SCN9A: variants seen among roughly 807,000 people sequenced by gnomAD.
SCN9A encodes the protein sodium channel protein type 9 subunit alpha.
Under a neutral mutation model 187.0 loss-of-function variants are expected in SCN9A, and 131 were observed. That is an observed-to-expected ratio of 0.70 (90% CI 0.61 to 0.81). The LOEUF (loss-of-function observed/expected upper bound fraction) is 0.81. Among genes scored for constraint, SCN9A ranks in the 30% least tolerant of loss-of-function variants. The probability of loss-of-function intolerance (pLI) is 0.00; values close to 1 mark genes in which losing one functional copy is unlikely to be tolerated. For synonymous variants in SCN9A, 809 were observed against 808.6 expected, an observed-to-expected ratio of 1.00 and a Z score of -0.01; for missense variants, 2,252 against 2,396.6, an observed-to-expected ratio of 0.94 and a Z score of 1.26.
intron 17 of SCN9A, among the ~76,000 whole-genome samples, chr2:166,260,566 C>A (rs1022785391): frequency 1.3e-5 from 2 of 151,826 alleles, no homozygotes; most frequent in African/African-American, 2.4e-5. Context: ...ACCTAAGGTG[C>A]AAGCTATTAG....
intron 1 of SCN9A, among the ~76,000 whole-genome samples, chr2:166,355,502 A>T (rs1056738152): frequency 3.3e-5 from 5 of 151,842 alleles, no homozygotes; most frequent in African/African-American, 1.2e-4. Context: ...TTGTTTGCCA[A>T]GGGATTGTGT....
In SCN9A at chr2:166,222,933, AAAAAAAAACAAC is replaced by A. The variant is rs1341636677; in HGVS notation, c.4398+3622_4398+3633del. 2.1e-3 allele frequency among the ~76,000 whole-genome samples: 212 copies of A among 102,704 alleles called. 9 individuals carry two copies. Among genetic ancestry groups the A allele is most frequent in the African/African-American group, 7.6e-3 (182 of 23,938 alleles). The allele number at this position is 102,704 out of a possible 152,430, so 67.4% of individuals were successfully genotyped here. On this transcript the variant is annotated intron_variant, in intron 24 of 26. Coordinates refer to ENST00000642356, the MANE Select transcript of SCN9A (RefSeq NM_001365536.1). ...GCGACAGAGCGAAACTCCGTCTCAA[AAAAAAAAACAAC>A]AAAAAAAAAAAAAAAAAAAAAAAAA...
chr2:166,280,548 C>A lies in SCN9A; in HGVS notation c.2152G>T (p.Ala718Ser). The change falls in exon 14 of 27, where the codon GCA becomes TCA. Residue 718 changes from alanine to serine, a missense_variant. Transcript: ENST00000642356. ...CAATTCCAGATCAAGAATTTGTGTGCAAATCTGTACCACCAAGGTGGACAT... is the reference window on the plus strand; with the variant it reads ...CAATTCCAGATCAAGAATTTGTGTGAAAATCTGTACCACCAAGGTGGACAT... Reference protein sequence around the residue: ...QKCPPWWYRFAHKFLIWNCSP... With the variant: ...QKCPPWWYRFSHKFLIWNCSP... 3 of 1,590,974 alleles carry A rather than the reference C, an allele frequency of 1.9e-6. No individual in the cohort carries two copies. Among genetic ancestry groups the A allele is most frequent in the South Asian group, 1.1e-5 (1 of 87,782 alleles).
chr2:166,311,382 T>TATATATA (rs1559034538), intron 2 of SCN9A, 117 bp downstream of exon 2: 1 of 83,546 alleles, frequency 1.2e-5, no homozygotes, highest in Non-Finnish European at 2.2e-5. Flanking sequence ...ATATATTTAA[T>TATATATA]TTAACATTCT....
At chr2:166,331,459 G>A (rs1265351999) in intron 1 of SCN9A, among the ~76,000 whole-genome samples, 1 of 152,124 alleles carries the variant, frequency 6.6e-6, no homozygotes, top group Non-Finnish European at 1.5e-5. Flanking sequence ...TTATTCAGAA[G>A]CTAATCTTAT....
At chr2:166,334,527 G>A (rs1402404913) in intron 1 of SCN9A, among the ~76,000 whole-genome samples, 1 of 152,026 alleles carries the variant, frequency 6.6e-6, no homozygotes. Flanking sequence ...TAGGGTCTCT[G>A]CAACAATTTC....
intron 1 of SCN9A, among the ~76,000 whole-genome samples, chr2:166,355,384 T>G (rs1700127915): frequency 6.6e-6 from 1 of 152,164 alleles, no homozygotes; most frequent in Non-Finnish European, 1.5e-5. Context: ...ATTTGATATT[T>G]AAAACGTTTT....
At chr2:166,242,459 AT>A (rs772657924) in intron 19 of SCN9A, 42 bp downstream of exon 19, 1 of 1,439,448 alleles carries the variant, frequency 6.9e-7, no homozygotes, top group Non-Finnish European at 9.3e-7. Context: ...TTTAAAGAAT[AT>A]TGACTTAATC....
At chr2:166,364,483 A>G (rs1326309316) in intron 1 of SCN9A, among the ~76,000 whole-genome samples, 1 of 152,178 alleles carries the variant, frequency 6.6e-6, no homozygotes, top group Non-Finnish European at 1.5e-5. Context: ...GCACAATAAA[A>G]TACTACACAG....
intron 15 of SCN9A, 123 bp from the exon 16 acceptor site, chr2:166,277,462 G>T: frequency 1.3e-5 from 8 of 597,336 alleles, no homozygotes; most frequent in East Asian, 2.8e-5. Flanking sequence ...TTATTATCCA[G>T]CTAAAATATT....
rs1368485912 is a variant in SCN9A, at chr2:166,198,039, A to G, written c.*633T>C. 1 of 152,218 alleles carries G rather than the reference A, an allele frequency of 6.6e-6. No individual in the cohort carries two copies. The highest frequency in any genetic ancestry group is 1.5e-5 in the Non-Finnish European group (1 of 68,026). The allele number at this position is 152,218 out of a possible 1,614,324, so 9.4% of individuals were successfully genotyped here. A position where few individuals can be genotyped will look rare whatever the true frequency, so the allele number is the denominator to read the frequency against. On this transcript the variant is annotated 3_prime_UTR_variant, in exon 27 of 27. Coordinates refer to ENST00000642356, the MANE Select transcript of SCN9A (RefSeq NM_001365536.1). ...GTCAAGATGAATGAAAAACATTTGT[A>G]GAAATGAATAGCCTACATATATTTT...
chr2:166,367,856 C>A lies in SCN9A; in HGVS notation c.-51+7841G>T, dbSNP rs542208653. Reference sequence around the variant, plus strand: ...TCTATTTTGACTTAACACAATATACCCCTCAGGAATTGGTGTCCAAGAAGA... The same window carrying A: ...TCTATTTTGACTTAACACAATATACACCTCAGGAATTGGTGTCCAAGAAGA... On this transcript the variant is annotated intron_variant, in intron 1 of 26. Transcript: ENST00000642356. Among the ~76,000 whole-genome samples the A allele has an allele frequency of 2.0e-5, 3 of 152,200 alleles. No homozygotes were observed. In the East Asian group the frequency reaches 5.8e-4, roughly 29 times the overall value.
At chr2:166,291,310 A>C (rs1216472766) in intron 9 of SCN9A, among the ~76,000 whole-genome samples, 1 of 152,118 alleles carries the variant, frequency 6.6e-6, no homozygotes, top group Admixed American at 6.6e-5. Context: ...CAAATCATGA[A>C]TAAACTCCCA....
intron 24 of SCN9A, among the ~76,000 whole-genome samples, chr2:166,207,428 T>TTTGTTGTTGTTGTTG (rs61122536): frequency 7.4e-4 from 111 of 150,170 alleles, no homozygotes; most frequent in African/African-American, 2.3e-3. Context: ...TTAGAGTGTT[T>TTTGTTGTTGTTGTTG]TTGTTGTTGT....
At chr2:166,242,927 G>A (rs532188396) in intron 18 of SCN9A, among the ~76,000 whole-genome samples, 34 of 152,108 alleles carry the variant, frequency 2.2e-4, no homozygotes, top group African/African-American at 7.7e-4. Context: ...CTCCTCCACA[G>A]TCTTTAAACC....
In SCN9A at chr2:166,251,790, A is replaced by C. The variant is rs371881989; in HGVS notation, c.3447T>G (p.Asp1149Glu). 7 of 1,612,674 alleles carry C rather than the reference A, an allele frequency of 4.3e-6. No individual in the cohort carries two copies. Among genetic ancestry groups the C allele is most frequent in the Non-Finnish European group, 5.9e-6 (7 of 1,179,066 alleles). ...EEAEAEPMNS[D>E]EPEACFTDGC... ...CATCTGTGAAACAGGCCTCTGGCTC[A>C]TCGGAATTCATAGGTTCAGCCTCTG... The change falls in exon 18 of 27, where the codon GAT (aspartate) becomes GAG (glutamate). Residue 1149 changes from aspartate to glutamate, a missense_variant. Physicochemically the swap from Asp to Glu is conservative, Grantham distance 45. Coordinates refer to ENST00000642356, the MANE Select transcript of SCN9A (RefSeq NM_001365536.1).
chr2:166,265,677 C>T (rs1696701965), intron 17 of SCN9A, among the ~76,000 whole-genome samples: 1 of 152,002 alleles, frequency 6.6e-6, no homozygotes, highest in Admixed American at 6.6e-5. Flanking sequence ...TTTACATTCT[C>T]ACAATCAGTG....
intron 18 of SCN9A, among the ~76,000 whole-genome samples, chr2:166,250,025 T>C (rs1695966710): frequency 6.6e-6 from 1 of 152,152 alleles, no homozygotes; most frequent in African/African-American, 2.4e-5. Flanking sequence ...CATTTGCTTA[T>C]AGCACTAATT....
At chr2:166,365,009 G>A (rs1417380656) in intron 1 of SCN9A, among the ~76,000 whole-genome samples, 1 of 152,030 alleles carries the variant, frequency 6.6e-6, no homozygotes, top group African/African-American at 2.4e-5. Context: ...TATCTATGCA[G>A]TACCACTATT....
Sources: gnomAD v4.1 joint callset for allele counts (sites outside exome capture counted in the v4.1 genomes callset) on GRCh38, gnomAD v4.1.1 for gene constraint, MANE v1.5 for transcripts, NCBI Gene and HGNC (gene_info 2026-07-23, HGNC 2026-07-21) for gene names.